Variants in APBA2 observed in about 807,000 individuals in gnomAD.
The protein encoded by APBA2 is amyloid-beta A4 precursor protein-binding family A member 2.
APBA2 carries 30 observed loss-of-function variants against 75.0 expected under a neutral mutation model. The observed-to-expected ratio is 0.40, with a 90% CI of 0.30 to 0.54. The LOEUF is 0.54. APBA2 is among the 20% of genes least tolerant of loss of function. APBA2 has a pLI of 0.49. For missense variants in APBA2, 801 were observed against 1,016.1 expected (o/e 0.79, Z 2.88); for synonymous variants, 444 against 409.6 (o/e 1.08, Z -1.01).
chr15:28,902,163 A>C (rs1248183829), intron 1 of APBA2, among the ~76,000 whole-genome samples: 1 of 151,846 alleles, frequency 6.6e-6, no homozygotes, highest in Non-Finnish European at 1.5e-5. Context: ...CAGAAAGGGG[A>C]AGCAGAAACC....
Position 29,118,284 on chromosome 15 carries a change from T to C in APBA2, c.*1151T>C, listed in dbSNP as rs2045338826. The C allele has an allele frequency of 6.6e-6, 1 of 152,488 alleles. No homozygotes were observed. The highest frequency in any genetic ancestry group is 2.1e-4 in the South Asian group (1 of 4,826). The allele number at this position is 152,488 out of a possible 1,614,324, so 9.4% of individuals were successfully genotyped here. Reference sequence around the variant, plus strand: ...GCTACCCGTAGGAAGACTTCGCGCATATCACTAATAAACCTGAAGTCGTGA... The same window carrying C: ...GCTACCCGTAGGAAGACTTCGCGCACATCACTAATAAACCTGAAGTCGTGA... On this transcript the variant is annotated 3_prime_UTR_variant, in exon 15 of 15. Transcript: ENST00000683413.
chr15:29,104,904 C>T (rs2044318402), intron 10 of APBA2, among the ~76,000 whole-genome samples: 1 of 152,084 alleles, frequency 6.6e-6, no homozygotes, highest in Non-Finnish European at 1.5e-5. Flanking sequence ...GGCAATATGG[C>T]AAGACCCCTA....
At chr15:29,115,697 C>G (rs550077301) in intron 14 of APBA2, among the ~76,000 whole-genome samples, 18 of 152,280 alleles carry the variant, frequency 1.2e-4, no homozygotes, top group African/African-American at 3.9e-4. Flanking sequence ...TGCGAGGGGC[C>G]TCGGGGTGGG....
chr15:29,071,400 T>C (rs937629536), intron 4 of APBA2, among the ~76,000 whole-genome samples: 7 of 151,788 alleles, frequency 4.6e-5, no homozygotes, highest in African/African-American at 1.7e-4. Flanking sequence ...CTGATTCTCA[T>C]GCTGTGCCTG....
At chr15:28,943,076 G>A (rs4591103) in intron 2 of APBA2, among the ~76,000 whole-genome samples, 27,635 of 152,120 alleles carry the variant, frequency 0.18, 3,730 homozygotes, top group African/African-American at 0.38. Context: ...CCTTCCTCAC[G>A]CGGTTCCTTG....
At chr15:28,956,976 A>T (rs1250651896) in intron 2 of APBA2, among the ~76,000 whole-genome samples, 1 of 152,226 alleles carries the variant, frequency 6.6e-6, no homozygotes, top group African/African-American at 2.4e-5. Flanking sequence ...TCATCTGGTG[A>T]AGGATGCTTG....
chr15:28,987,183 C>T (rs1453769985), intron 2 of APBA2, among the ~76,000 whole-genome samples: 2 of 152,232 alleles, frequency 1.3e-5, no homozygotes, highest in Non-Finnish European at 2.9e-5. Flanking sequence ...ATGTGATGAA[C>T]AGCTAGGTAT....
intron 2 of APBA2, among the ~76,000 whole-genome samples, chr15:28,936,325 T>C (rs1293705051): frequency 1.3e-5 from 2 of 152,190 alleles, no homozygotes; most frequent in Admixed American, 6.5e-5. Flanking sequence ...CCAGCTTTGC[T>C]TAGGGAGCTA....
At chr15:29,093,265 G>T (rs748566343) in intron 7 of APBA2, 45 bp downstream of exon 7, 1 of 1,610,260 alleles carries the variant, frequency 6.2e-7, no homozygotes, top group South Asian at 1.1e-5. Flanking sequence ...GCACACTTTG[G>T]GGGGCACTAG....
At position 29,052,454 on chromosome 15, in the gene APBA2, C is replaced by CAAAAAAAAATAA. The variant is rs1555401355; in HGVS notation, c.-40-1382_-40-1381insTAAAAAAAAAAA. ...TGGGCGACAGAGCGAGACTCCATCT[C>CAAAAAAAAATAA]AAAAAAAAAAAAAAGAAGTAGAACG... On this transcript the variant is annotated intron_variant, in intron 3 of 14. Coordinates refer to ENST00000683413, the MANE Select transcript of APBA2 (RefSeq NM_001353788.2). 4.9e-4 allele frequency among the ~76,000 whole-genome samples: 51 copies of CAAAAAAAAATAA among 103,164 alleles called. 1 individual carries two copies. The highest frequency in any genetic ancestry group is 8.8e-3 in the Middle Eastern group (2 of 226). 67.7% of individuals were successfully genotyped at this position (103,164 alleles called of 152,430 possible). A position where few individuals can be genotyped will look rare whatever the true frequency, so the allele number is the denominator to read the frequency against.
At chr15:28,927,719 G>A (rs2034348307) in intron 2 of APBA2, among the ~76,000 whole-genome samples, 1 of 151,802 alleles carries the variant, frequency 6.6e-6, no homozygotes, top group African/African-American at 2.4e-5. Context: ...GAGCCGCTGT[G>A]CCCGGTCTTC....
intron 3 of APBA2, among the ~76,000 whole-genome samples, chr15:29,015,361 C>T (rs991457052): frequency 6.6e-6 from 1 of 152,054 alleles, no homozygotes; most frequent in South Asian, 2.1e-4. Flanking sequence ...GAATAAAATT[C>T]CAGTGTTAAG....
intron 6 of APBA2, among the ~76,000 whole-genome samples, chr15:29,078,139 C>CA (rs1489367138): frequency 6.6e-6 from 1 of 150,976 alleles, no homozygotes; most frequent in South Asian, 2.1e-4. Context: ...TACTAAAATA[C>CA]AAAAAATTAG....
chr15:29,023,342 C>T (rs528315689), intron 3 of APBA2, among the ~76,000 whole-genome samples: 1 of 150,756 alleles, frequency 6.6e-6, no homozygotes, highest in African/African-American at 2.4e-5. Flanking sequence ...GATAAATATC[C>T]TTTATCAAGT....
chr15:28,997,661 G>A (rs1595686208), intron 3 of APBA2, among the ~76,000 whole-genome samples: 2 of 152,264 alleles, frequency 1.3e-5, no homozygotes, highest in East Asian at 1.9e-4. Context: ...GCTTCTTGAC[G>A]TTTTCCTTAT....
intron 2 of APBA2, among the ~76,000 whole-genome samples, chr15:28,983,233 T>A (rs925502338): frequency 1.3e-5 from 2 of 152,190 alleles, no homozygotes; most frequent in African/African-American, 4.8e-5. Context: ...GGTGCTTCAG[T>A]CAGCCGTCAC....
chr15:29,108,639 C>T (rs2044569344), intron 13 of APBA2: 2 of 601,818 alleles, frequency 3.3e-6, no homozygotes, highest in South Asian at 2.0e-5. Context: ...CTCCCTTGTC[C>T]CCATGGTGGT....
chr15:28,911,958 T>C (rs1488136970), intron 1 of APBA2, among the ~76,000 whole-genome samples: 1 of 152,246 alleles, frequency 6.6e-6, no homozygotes, highest in Non-Finnish European at 1.5e-5. Flanking sequence ...CATATTGTTT[T>C]AAAAGCGATT....
rs192764739 is a variant in APBA2 at position 28,902,216 on chromosome 15, C to T, written c.-205+15938C>T. On this transcript the variant is annotated intron_variant, in intron 1 of 14. Coordinates refer to ENST00000683413, the MANE Select transcript of APBA2 (RefSeq NM_001353788.2). ...GCCTGGGGGCCACAGTTGGCGCCAACAGCAAGTCATGTGGGTGGCACATGC... is the reference window on the plus strand; with the variant it reads ...GCCTGGGGGCCACAGTTGGCGCCAATAGCAAGTCATGTGGGTGGCACATGC... Among the ~76,000 whole-genome samples the T allele has an allele frequency of 2.2e-3, 334 of 152,256 alleles. 2 individuals are homozygous for T. Among genetic ancestry groups the T allele is most frequent in the African/African-American group, 7.6e-3 (315 of 41,552 alleles).
Sources: gnomAD v4.1 joint callset for allele counts (sites outside exome capture counted in the v4.1 genomes callset) on GRCh38, gnomAD v4.1.1 for gene constraint, MANE v1.5 for transcripts, NCBI Gene and HGNC (gene_info 2026-07-23, HGNC 2026-07-21) for gene names.